SMARCAL1: variants seen among roughly 807,000 people sequenced by gnomAD.
The protein encoded by SMARCAL1 is SNF2 related chromatin remodeling annealing helicase 1.
SMARCAL1 carries 58 observed loss-of-function variants against 94.5 expected under a neutral mutation model. The observed-to-expected ratio is 0.61, with a 90% confidence interval of 0.50 to 0.76. The LOEUF (loss-of-function observed/expected upper bound fraction) is 0.76, where lower values mean the gene tolerates loss of function less well. SMARCAL1 is among the 30% of genes least tolerant of loss of function. SMARCAL1 has a pLI of 0.00. For synonymous variants in SMARCAL1, 422 were observed against 455.1 expected (o/e 0.93, Z 0.93); for missense variants, 1,051 against 1,177.9 (o/e 0.89, Z 1.58).
At chr2:216,453,918 A>G (rs1354694867) in intron 12 of SMARCAL1, among the ~76,000 whole-genome samples, 1 of 152,252 alleles carries the variant, frequency 6.6e-6, no homozygotes, top group Admixed American at 6.5e-5. Context: ...AATGTAATGT[A>G]TAATCAAAGA....
At chr2:216,421,569 A>G (rs990044806) in intron 5 of SMARCAL1, among the ~76,000 whole-genome samples, 2 of 152,176 alleles carry the variant, frequency 1.3e-5, no homozygotes, top group Non-Finnish European at 2.9e-5. Flanking sequence ...AATTACAGGC[A>G]TGAGCCACCG....
At chr2:216,462,485 A>C (rs1021079389) in intron 12 of SMARCAL1, among the ~76,000 whole-genome samples, 7 of 152,198 alleles carry the variant, frequency 4.6e-5, no homozygotes, top group African/African-American at 1.7e-4. Flanking sequence ...AATGGATTTC[A>C]TGAAGTCTGA....
chr2:216,450,745 A>G, intron 11 of SMARCAL1, 101 bp from the exon 12 acceptor site: 3 of 861,496 alleles, frequency 3.5e-6, no homozygotes, highest in Non-Finnish European at 5.9e-6. Flanking sequence ...GAGCTAAGCC[A>G]GGGGTGGTTG....
intron 10 of SMARCAL1, among the ~76,000 whole-genome samples, chr2:216,442,479 T>C (rs1420432541): frequency 6.6e-6 from 1 of 152,048 alleles, no homozygotes; most frequent in African/African-American, 2.4e-5. Flanking sequence ...AATAAGTCTT[T>C]CAACCCCTCT....
intron 9 of SMARCAL1, among the ~76,000 whole-genome samples, chr2:216,437,060 C>T (rs1173415642): frequency 1.3e-5 from 2 of 152,222 alleles, no homozygotes; most frequent in African/African-American, 2.4e-5. Flanking sequence ...GCTCTGTCCT[C>T]TTTCTTTCAG....
At position 216,415,108 on chromosome 2, in the gene SMARCAL1, A is replaced by C. The variant is rs1338846360; in HGVS notation, c.404A>C (p.Lys135Thr). The change falls in exon 3 of 18, where the codon AAA becomes ACA. Residue 135 changes from lysine (K) to threonine (T), a missense_variant. This residue lies in a region of SMARCAL1 where 398 missense variants were observed against 395.2 expected (regional missense o/e 1.01). Transcript: ENST00000357276. ...GCACAAAGTCCTCCAGAGGTCCCTA[A>C]ACAACAGCTCTTGAGTTATGAGTTA... ...PLAQSPPEVPKQQLLSYELGQ... is the reference protein window; with the variant it reads ...PLAQSPPEVPTQQLLSYELGQ... The C allele has an allele frequency of 6.2e-7, 1 of 1,613,762 alleles. No homozygotes were observed. The highest frequency in any genetic ancestry group is 8.5e-7 in the Non-Finnish European group (1 of 1,179,890).
At chr2:216,428,512 A>T in intron 6 of SMARCAL1, 84 bp from the exon 7 acceptor site, 2 of 1,345,450 alleles carry the variant, frequency 1.5e-6, no homozygotes, top group Non-Finnish European at 2.1e-6. Flanking sequence ...ACTGGAAGGA[A>T]ATATATATAT....
At chr2:216,461,403 AATATT>A (rs1392699279) in intron 12 of SMARCAL1, among the ~76,000 whole-genome samples, 1 of 151,936 alleles carries the variant, frequency 6.6e-6, no homozygotes, top group Non-Finnish European at 1.5e-5. Flanking sequence ...ATATATATAA[AATATT>A]ATATATGCAA....
intron 17 of SMARCAL1, among the ~76,000 whole-genome samples, chr2:216,480,026 T>C (rs1425673705): frequency 6.6e-6 from 1 of 152,176 alleles, no homozygotes; most frequent in Admixed American, 6.5e-5. Context: ...CATTTCAGCC[T>C]AGGCAACAGA....
intron 17 of SMARCAL1, among the ~76,000 whole-genome samples, chr2:216,479,787 C>A (rs944424133): frequency 6.6e-6 from 1 of 152,182 alleles, no homozygotes; most frequent in Admixed American, 6.5e-5. Context: ...TCTGAGCAGG[C>A]ATAGTGGCTC....
chr2:216,438,317 C>T, intron 9 of SMARCAL1, 103 bp from the exon 10 acceptor site: 3 of 929,806 alleles, frequency 3.2e-6, no homozygotes, highest in Non-Finnish European at 5.2e-6. Flanking sequence ...GCTAAGGGAG[C>T]ATCCACCTTG....
intron 10 of SMARCAL1, chr2:216,446,563 T>G (rs1235308427): frequency 2.7e-5 from 11 of 401,754 alleles, no homozygotes; most frequent in South Asian, 2.0e-4. Flanking sequence ...AGTTCAGACC[T>G]GCCACTGTCT....
chr2:216,438,477 G>A lies in SMARCAL1; in HGVS notation c.1702G>A (p.Val568Ile), dbSNP rs1288316905. ...RTARCRAAMP[V>I]LKVAKRVILL... Reference sequence around the variant, plus strand: ...TGCCCGCTGTCGAGCAGCTATGCCGGTCCTAAAGGTGAGTACTTCTGAGAA... The same window carrying A: ...TGCCCGCTGTCGAGCAGCTATGCCGATCCTAAAGGTGAGTACTTCTGAGAA... The change falls in exon 10 of 18, where the codon GTC (valine) becomes ATC (isoleucine). Residue 568 changes from valine to isoleucine, a missense_variant. By Grantham distance (29) the Val-to-Ile change is conservative (BLOSUM62 3). Coordinates refer to ENST00000357276, the MANE Select transcript of SMARCAL1 (RefSeq NM_014140.4). The A allele has an allele frequency of 1.2e-6, 2 of 1,613,586 alleles. No individual in the cohort carries two copies. Among genetic ancestry groups the A allele is most frequent in the Non-Finnish European group, 1.7e-6 (2 of 1,179,776 alleles).
intron 14 of SMARCAL1, among the ~76,000 whole-genome samples, chr2:216,468,452 C>T (rs1278782562): frequency 1.3e-5 from 2 of 152,164 alleles, no homozygotes; most frequent in African/African-American, 2.4e-5. Context: ...TTATTAATTC[C>T]ACATGGCAGT....
At chr2:216,446,830 C>G (rs1016265955) in intron 10 of SMARCAL1, 188 bp from the exon 11 acceptor site, 1 of 690,872 alleles carries the variant, frequency 1.4e-6, no homozygotes, top group Non-Finnish European at 2.6e-6. Flanking sequence ...CAGCAGAGGG[C>G]AGGCAGGGAG....
chr2:216,480,068 A>G (rs568744261), intron 17 of SMARCAL1, among the ~76,000 whole-genome samples: 1 of 152,148 alleles, frequency 6.6e-6, no homozygotes, highest in African/African-American at 2.4e-5. Flanking sequence ...GAAAAAAAAG[A>G]AAGCCTATTT....
chr2:216,421,964 G>A (rs1693731502), intron 5 of SMARCAL1, among the ~76,000 whole-genome samples: 1 of 152,154 alleles, frequency 6.6e-6, no homozygotes, highest in South Asian at 2.1e-4. Context: ...GGGCAGACGG[G>A]TGAGCAGGGC....
chr2:216,417,098 A>G (rs1341862365), intron 4 of SMARCAL1, among the ~76,000 whole-genome samples: 1 of 152,236 alleles, frequency 6.6e-6, no homozygotes, highest in Non-Finnish European at 1.5e-5. Context: ...AAAGGAAAAG[A>G]TAAGGATGTA....
At chr2:216,434,794 G>A (rs1694042419) in intron 8 of SMARCAL1, among the ~76,000 whole-genome samples, 1 of 151,834 alleles carries the variant, frequency 6.6e-6, no homozygotes, top group Non-Finnish European at 1.5e-5. Context: ...GCAGTAAGCT[G>A]TGATGGTGCC....
Sources: gnomAD v4.1 joint callset for allele counts (sites outside exome capture counted in the v4.1 genomes callset) on GRCh38, gnomAD v4.1.1 for gene constraint, gnomAD v4.1.1 regional missense constraint, MANE v1.5 for transcripts, NCBI Gene and HGNC (gene_info 2026-07-23, HGNC 2026-07-21) for gene names.